Variants in UMAD1 observed in about 807,000 individuals in gnomAD.
The protein encoded by UMAD1 is UBAP1-MVB12-associated (UMA) domain containing 1.
In UMAD1, 8 loss-of-function variants were observed where a neutral mutation model predicts 6.1. The ratio of observed to expected loss-of-function variants is 1.30; its 90% confidence interval spans 0.76 to 2.35. UMAD1 has a LOEUF of 2.35. Ranked by LOEUF, UMAD1 falls within the 30% of genes most tolerant of loss-of-function variation. UMAD1 has a pLI of 0.00. For missense variants in UMAD1, 130 were observed against 78.4 expected (o/e 1.66, Z -2.49); for synonymous variants, 56 against 31.4 (o/e 1.78, Z -2.61).
At chr7:7,862,898 C>T (rs1040956206) in intron 3 of UMAD1, among the ~76,000 whole-genome samples, 3 of 152,212 alleles carry the variant, frequency 2.0e-5, no homozygotes, top group African/African-American at 7.2e-5. Flanking sequence ...AAGGCTTTAA[C>T]CAATTCAGTT....
chr7:7,682,623 A>C (rs375761583), intron 2 of UMAD1, among the ~76,000 whole-genome samples: 83 of 152,292 alleles, frequency 5.5e-4, no homozygotes, highest in African/African-American at 1.9e-3. Flanking sequence ...GGTTTTCAAC[A>C]TGTGCTTCCT....
chr7:7,641,687 A>G (rs1011926863), intron 1 of UMAD1: 4 of 152,228 alleles, frequency 2.6e-5, no homozygotes, highest in African/African-American at 9.7e-5. Context: ...ATGAGTGCAC[A>G]TAAAAATACC....
intron 2 of UMAD1, among the ~76,000 whole-genome samples, chr7:7,735,484 A>T (rs1448927776): frequency 6.6e-6 from 1 of 150,810 alleles, no homozygotes; most frequent in African/African-American, 2.5e-5. Context: ...ATCTCCGCTC[A>T]CTGCAACCTC....
At chr7:7,645,905 G>A (rs187807975) in intron 1 of UMAD1, among the ~76,000 whole-genome samples, 3 of 151,730 alleles carry the variant, frequency 2.0e-5, no homozygotes, top group Admixed American at 6.6e-5. Flanking sequence ...TGGCATTATG[G>A]TTATAAGACA....
chr7:7,824,097 C>T lies in UMAD1; in HGVS notation c.156+22354C>T, dbSNP rs530624082. Among the ~76,000 whole-genome samples, 9 of 152,182 alleles carry T rather than the reference C, an allele frequency of 5.9e-5. No individual in the cohort carries two copies. The East Asian group carries it at 1.4e-3, about 23-fold the overall frequency. On this transcript the variant is annotated intron_variant, in intron 3 of 3. Transcript: ENST00000682710. Reference sequence around the variant, plus strand: ...TTTAACCTTCCTTTCCTTTCCCTCCCGCACCTCCCACCTTGCCCTCCGCTC... The same window carrying T: ...TTTAACCTTCCTTTCCTTTCCCTCCTGCACCTCCCACCTTGCCCTCCGCTC...
chr7:7,849,804 G>T (rs1583871532), intron 3 of UMAD1, among the ~76,000 whole-genome samples: 1 of 151,558 alleles, frequency 6.6e-6, no homozygotes, highest in Non-Finnish European at 1.5e-5. Flanking sequence ...TAGAGAATGG[G>T]GTGAATGGGG....
chr7:7,853,210 C>T (rs1473881206), intron 3 of UMAD1, among the ~76,000 whole-genome samples: 1 of 152,200 alleles, frequency 6.6e-6, no homozygotes, highest in Non-Finnish European at 1.5e-5. Context: ...ATGTCAATAC[C>T]ACAGTCTCAT....
intron 1 of UMAD1, among the ~76,000 whole-genome samples, chr7:7,645,219 T>G (rs982842271): frequency 6.6e-6 from 1 of 152,234 alleles, no homozygotes; most frequent in African/African-American, 2.4e-5. Flanking sequence ...TTATCTTTCT[T>G]ACCTTTTGCC....
intron 1 of UMAD1, chr7:7,641,542 A>T (rs932021729): frequency 6.6e-6 from 1 of 152,180 alleles, no homozygotes; most frequent in Non-Finnish European, 1.5e-5. Context: ...GTTGCCCTCC[A>T]CACTGCGAGA....
chr7:7,800,949 T>G (rs1270792484), intron 2 of UMAD1, among the ~76,000 whole-genome samples: 1 of 152,242 alleles, frequency 6.6e-6, no homozygotes, highest in Non-Finnish European at 1.5e-5. Flanking sequence ...AGAAGTAGGC[T>G]AATAGGTAGT....
At chr7:7,843,181 C>G (rs1429037750) in intron 3 of UMAD1, among the ~76,000 whole-genome samples, 1 of 152,182 alleles carries the variant, frequency 6.6e-6, no homozygotes, top group East Asian at 1.9e-4. Flanking sequence ...AAGTTCACTG[C>G]TTTTTAAAGT....
At chr7:7,807,693 A>G (rs1782945647) in intron 3 of UMAD1, among the ~76,000 whole-genome samples, 2 of 152,072 alleles carry the variant, frequency 1.3e-5, no homozygotes, top group South Asian at 4.1e-4. Context: ...ATTTACACGA[A>G]TGATTGTCTA....
At chr7:7,710,764 A>G (rs1780737580) in intron 2 of UMAD1, among the ~76,000 whole-genome samples, 1 of 152,226 alleles carries the variant, frequency 6.6e-6, no homozygotes, top group Non-Finnish European at 1.5e-5. Flanking sequence ...TTTTATTCAT[A>G]ATAGACCCAA....
chr7:7,831,510 T>G (rs1394686980), intron 3 of UMAD1, among the ~76,000 whole-genome samples: 2 of 152,194 alleles, frequency 1.3e-5, no homozygotes, highest in Non-Finnish European at 2.9e-5. Flanking sequence ...CAGGCCACTT[T>G]TTACTCTTCT....
At chr7:7,800,267 C>T (rs1323432699) in intron 2 of UMAD1, among the ~76,000 whole-genome samples, 2 of 152,180 alleles carry the variant, frequency 1.3e-5, no homozygotes, top group African/African-American at 2.4e-5. Context: ...GTGTGCTGGG[C>T]CCTGCCCAAC....
chr7:7,763,142 C>T (rs78516149), intron 2 of UMAD1, among the ~76,000 whole-genome samples: 6,431 of 152,160 alleles, frequency 0.042, 157 homozygotes, highest in Middle Eastern at 0.085. Flanking sequence ...ATATTACTGT[C>T]ATAAACATAG....
chr7:7,753,399 C>A (rs1006097231), intron 2 of UMAD1, among the ~76,000 whole-genome samples: 1 of 152,202 alleles, frequency 6.6e-6, no homozygotes, highest in Admixed American at 6.5e-5. Context: ...CATTAACCAT[C>A]CCCATCAATC....
intron 1 of UMAD1, among the ~76,000 whole-genome samples, chr7:7,643,677 A>C (rs1583685906): frequency 6.8e-6 from 1 of 147,254 alleles, no homozygotes. Context: ...GCGCCACTTC[A>C]CTCCAACCTG....
chr7:7,746,490 C>T (rs1005174342), intron 2 of UMAD1, among the ~76,000 whole-genome samples: 1 of 152,184 alleles, frequency 6.6e-6, no homozygotes, highest in Admixed American at 6.5e-5. Context: ...AACTCACATA[C>T]GTTTAAAGTC....
Sources: gnomAD v4.1 joint callset for allele counts (sites outside exome capture counted in the v4.1 genomes callset) on GRCh38, gnomAD v4.1.1 for gene constraint, MANE v1.5 for transcripts, NCBI Gene and HGNC (gene_info 2026-07-23, HGNC 2026-07-21) for gene names.